The following TOX3 variants were observed in gnomAD, a reference collection of about 807,000 sequenced individuals.
TOX3 encodes CAG trinucleotide repeat-containing gene F9 protein.
A neutral mutation model predicts 64.3 loss-of-function variants in TOX3; 22 were observed. The ratio of observed to expected loss-of-function variants is 0.34; its 90% CI spans 0.24 to 0.49. TOX3 has a LOEUF of 0.49. TOX3 is among the 20% of genes least tolerant of loss of function. The probability of loss-of-function intolerance (pLI) is 0.99; values close to 1 mark genes in which losing one functional copy is unlikely to be tolerated. For missense variants in TOX3, 661 were observed against 714.4 expected, an observed-to-expected ratio of 0.93 and a Z score of 0.85; for synonymous variants, 291 against 273.6, an observed-to-expected ratio of 1.06 and a Z score of -0.63.
At chr16:52,444,171 C>A (rs1263574477) in intron 6 of TOX3, 105 bp downstream of exon 6, 3 of 831,944 alleles carry the variant, frequency 3.6e-6, no homozygotes, top group Admixed American at 6.1e-5. Flanking sequence ...TTCAAGATGC[C>A]TTTCCATCAA....
intron 1 of TOX3, among the ~76,000 whole-genome samples, chr16:52,545,168 C>T (rs563007293): frequency 2.4e-4 from 36 of 152,320 alleles, no homozygotes; most frequent in African/African-American, 8.4e-4. Flanking sequence ...ACAAACTAAT[C>T]CTTAACTCTG....
intron 1 of TOX3, among the ~76,000 whole-genome samples, chr16:52,486,357 G>A (rs1419468870): frequency 6.6e-6 from 1 of 152,170 alleles, no homozygotes; most frequent in African/African-American, 2.4e-5. Context: ...TAATAATGTT[G>A]AATGCTGCAA....
chr16:52,542,182 C>T (rs564518340), intron 1 of TOX3, among the ~76,000 whole-genome samples: 1 of 152,278 alleles, frequency 6.6e-6, no homozygotes, highest in South Asian at 2.1e-4. Flanking sequence ...CTGAAGCCAA[C>T]CATTCTGTGG....
chr16:52,446,531 C>CACAT (rs1287460043), intron 4 of TOX3, among the ~76,000 whole-genome samples: 1 of 152,160 alleles, frequency 6.6e-6, no homozygotes. Context: ...TGCTATACTA[C>CACAT]ACATACATAC....
intron 1 of TOX3, among the ~76,000 whole-genome samples, chr16:52,485,271 T>TATATATATATATAC (rs1438971784): frequency 1.6e-4 from 24 of 145,578 alleles, no homozygotes; most frequent in African/African-American, 5.2e-4. Context: ...TATATATATA[T>TATATATATATATAC]ACATATCTCC....
chr16:52,488,914 C>G (rs1349120920), intron 1 of TOX3, among the ~76,000 whole-genome samples: 2 of 152,158 alleles, frequency 1.3e-5, no homozygotes, highest in African/African-American at 4.8e-5. Flanking sequence ...GCACCTGTAA[C>G]TTTTCCTATC....
In TOX3 at chr16:52,457,465, A is replaced by G. The variant is rs148672682; in HGVS notation, c.408+6469T>C. On this transcript the variant is annotated intron_variant, in intron 3 of 6. Coordinates refer to ENST00000219746, the MANE Select transcript of TOX3 (RefSeq NM_001080430.4). ...TTTTCAAAATAGAGCATAACATCCA[A>G]TTAAGAAGCAACTAACCCAAATATA... Among the ~76,000 whole-genome samples the G allele has an allele frequency of 4.5e-4, 68 of 152,294 alleles. 1 individual carries two copies. The highest frequency in any genetic ancestry group is 1.5e-3 in the African/African-American group (63 of 41,574).
intron 1 of TOX3, among the ~76,000 whole-genome samples, chr16:52,478,275 C>T (rs563381707): frequency 6.6e-6 from 1 of 152,314 alleles, no homozygotes; most frequent in East Asian, 1.9e-4. Context: ...ACCCACTAAG[C>T]TCCAGAAACA....
intron 3 of TOX3, among the ~76,000 whole-genome samples, chr16:52,451,360 T>C (rs1284475827): frequency 3.9e-5 from 6 of 152,228 alleles, no homozygotes; most frequent in African/African-American, 1.4e-4. Context: ...AAATAGCTTT[T>C]TCTGAAACTT....
intron 1 of TOX3, among the ~76,000 whole-genome samples, chr16:52,496,694 A>T (rs1192109262): frequency 6.6e-6 from 1 of 152,180 alleles, no homozygotes; most frequent in Non-Finnish European, 1.5e-5. Context: ...GGGAAGCAAA[A>T]TCAATTTTCT....
chr16:52,474,165 G>T (rs78860052), intron 1 of TOX3, among the ~76,000 whole-genome samples: 1 of 151,972 alleles, frequency 6.6e-6, no homozygotes, highest in Non-Finnish European at 1.5e-5. Context: ...TGGTGACTCC[G>T]GCCAAATATC....
chr16:52,547,765 A>T (rs1320913085), upstream of TOX3: 8 of 152,222 alleles, frequency 5.3e-5, no homozygotes, highest in African/African-American at 1.7e-4. Flanking sequence ...ACAGGTAGGC[A>T]GACTTGAAGC....
chr16:52,441,893 T>C (rs1434753454), intron 6 of TOX3, among the ~76,000 whole-genome samples: 1 of 152,214 alleles, frequency 6.6e-6, no homozygotes, highest in African/African-American at 2.4e-5. Context: ...TTCTAAGGTC[T>C]TAGGGTAAGA....
At chr16:52,544,374 T>G (rs2151492884) in intron 1 of TOX3, among the ~76,000 whole-genome samples, 1 of 152,342 alleles carries the variant, frequency 6.6e-6, no homozygotes, top group East Asian at 1.9e-4. Flanking sequence ...AAATTGTGTT[T>G]TTCACTTCCG....
intron 1 of TOX3, among the ~76,000 whole-genome samples, chr16:52,533,147 T>C (rs1346394291): frequency 6.6e-6 from 1 of 152,164 alleles, no homozygotes; most frequent in Non-Finnish European, 1.5e-5. Flanking sequence ...GAAGACGAGG[T>C]CAACAGAGTT....
intron 2 of TOX3, among the ~76,000 whole-genome samples, chr16:52,465,255 C>A (rs1425882459): frequency 9.2e-5 from 14 of 151,398 alleles, no homozygotes. Context: ...ACCTTGTGAT[C>A]CACCCACCTC....
intron 1 of TOX3, among the ~76,000 whole-genome samples, chr16:52,484,829 AT>A (rs1276045176): frequency 6.6e-6 from 1 of 152,162 alleles, no homozygotes; most frequent in African/African-American, 2.4e-5. Context: ...GAAAAACAGT[AT>A]GGAGGTTTCT....
Position 52,489,542 on chromosome 16 carries a change from A to T in TOX3, c.88-20968T>A, listed in dbSNP as rs147695856. ...GAGTTATTTTCATTTGGAAACAGTC[A>T]CTCTAAGCCAGTGGTCTTATCCCCT... On this transcript the variant is annotated intron_variant, in intron 1 of 6. Coordinates refer to ENST00000219746, the MANE Select transcript of TOX3 (RefSeq NM_001080430.4). Among the ~76,000 whole-genome samples, 582 of 152,138 alleles carry T rather than the reference A, an allele frequency of 3.8e-3. 3 individuals are homozygous for T. The highest frequency in any genetic ancestry group is 0.013 in the African/African-American group (553 of 41,504).
intron 1 of TOX3, among the ~76,000 whole-genome samples, chr16:52,516,793 T>A (rs1225798800): frequency 6.6e-6 from 1 of 152,210 alleles, no homozygotes; most frequent in African/African-American, 2.4e-5. Flanking sequence ...AGGAAACTTG[T>A]GGTGATGGAA....
Sources: allele counts gnomAD v4.1 joint callset (sites outside exome capture counted in the v4.1 genomes callset), GRCh38; gene constraint gnomAD v4.1.1; transcripts MANE v1.5; gene names NCBI Gene and HGNC (gene_info 2026-07-23, HGNC 2026-07-21).